The following CDKL5 variants were observed in gnomAD, a reference collection of about 807,000 sequenced individuals.
CDKL5 encodes the protein cyclin dependent kinase like 5, also known as cyclin-dependent kinase-like 5.
A neutral mutation model predicts 61.7 loss-of-function variants in CDKL5; 8 were observed. The ratio of observed to expected loss-of-function variants is 0.13; its 90% CI spans 0.08 to 0.23. CDKL5 has a LOEUF of 0.23. CDKL5 is among the 10% of genes least tolerant of loss of function. The pLI is 1.00. For synonymous variants in CDKL5, 275 were observed against 272.3 expected (o/e 1.01, Z -0.10); for missense variants, 440 against 734.5 (o/e 0.60, Z 4.63).
At chrX:18,445,327 C>T (rs959582564) in intron 1 of CDKL5, among the ~76,000 whole-genome samples, 1 of 111,487 alleles carries the variant, frequency 9.0e-6, no homozygotes, top group African/African-American at 3.3e-5. Flanking sequence ...ATCTGCCCGC[C>T]TCAGCCTCCC....
At chrX:18,500,541 C>T (rs1266218809) in intron 1 of CDKL5, among the ~76,000 whole-genome samples, 2 of 111,566 alleles carry the variant, frequency 1.8e-5, no homozygotes, top group African/African-American at 6.5e-5. Flanking sequence ...TTGATTTTAG[C>T]CAGGTAATTC....
At chrX:18,626,661 C>CT (rs1927053101) in intron 17 of CDKL5, 1 of 23,953 alleles carries the variant, frequency 4.2e-5, no homozygotes, top group African/African-American at 1.6e-4. Flanking sequence ...ACCAAGAAGC[C>CT]CTCTCTCTCT....
rs1927155140 is a variant in CDKL5, at chrX:18,628,838, G to A, written c.*81G>A. ...AGGGTGGGCTGGGCTTGGGGCATGG[G>A]CCGGGCCAAGTGGTGAGCCAATATT... On this transcript the variant is annotated 3_prime_UTR_variant, in exon 18 of 18. Coordinates refer to ENST00000623535, the MANE Select transcript of CDKL5 (RefSeq NM_001323289.2). 9.2e-7 allele frequency: 1 copy of A among 1,085,926 alleles called. No individual in the cohort carries two copies. Among genetic ancestry groups the A allele is most frequent in the East Asian group, 3.3e-5 (1 of 30,103 alleles). The allele number at this position is 1,085,926 out of a possible 1,213,427, so 89.5% of individuals were successfully genotyped here.
chrX:18,525,156 G>A (rs1438853729), intron 3 of CDKL5, among the ~76,000 whole-genome samples: 3 of 111,529 alleles, frequency 2.7e-5, no homozygotes, highest in African/African-American at 9.8e-5. Flanking sequence ...CTGGAGTGCA[G>A]TGGCGCAATC....
intron 20 of CDKL5, among the ~76,000 whole-genome samples, chrX:18,648,246 CT>C (rs373474294): frequency 6.6e-5 from 7 of 106,203 alleles, no homozygotes; most frequent in South Asian, 8.3e-4. Context: ...CCTTCTTCTC[CT>C]TTTTTTTTTC....
At chrX:18,647,153 T>TA in intron 20 of CDKL5, 1 of 1,203,045 alleles carries the variant, frequency 8.3e-7, no homozygotes, top group Non-Finnish European at 1.1e-6. Flanking sequence ...TATTTTTTTT[T>TA]AAAAGCACAT....
At chrX:18,491,802 A>C in intron 1 of CDKL5, among the ~76,000 whole-genome samples, 1 of 111,871 alleles carries the variant, frequency 8.9e-6, no homozygotes, top group East Asian at 2.8e-4. Flanking sequence ...CATAGCTAAA[A>C]TTTATGAAAT....
chrX:18,632,126 C>T lies in CDKL5; in HGVS notation c.*3369C>T. 1.3e-6 allele frequency: 1 copy of T among 754,392 alleles called. No homozygotes were observed. The highest frequency in any genetic ancestry group is 1.6e-6 in the Non-Finnish European group (1 of 639,124). The allele number at this position is 754,392 out of a possible 1,213,427, so 62.2% of individuals were successfully genotyped here. A position where few individuals can be genotyped will look rare whatever the true frequency, so the allele number is the denominator to read the frequency against. On this transcript the variant is annotated 3_prime_UTR_variant, in exon 18 of 18. Transcript: ENST00000623535. ...CTGCCCTACACCATCCCAAGCCCAC[C>T]AGTCTGCAGAGCTTGGCTCTGGCCT...
At chrX:18,577,730 C>T (rs915608268) in intron 5 of CDKL5, among the ~76,000 whole-genome samples, 1 of 111,599 alleles carries the variant, frequency 9.0e-6, no homozygotes, top group African/African-American at 3.3e-5. Context: ...TGTGTTCCTG[C>T]GGAGTAAGGG....
chrX:18,653,518 G>C (rs772980434), exon 22 of CDKL5: 1 of 1,210,558 alleles, frequency 8.3e-7, no homozygotes, highest in Admixed American at 2.2e-5. Flanking sequence ...GACATACCAT[G>C]AGAATGCGGC....
intron 5 of CDKL5, 80 bp from the exon 6 acceptor site, chrX:18,579,768 C>G: frequency 1.0e-6 from 1 of 967,143 alleles, no homozygotes. Flanking sequence ...ATGAATTATT[C>G]TAGATGCTTT....
At chrX:18,640,318 T>C (rs1927520146), downstream of CDKL5, 1 of 110,352 alleles carries the variant, frequency 9.1e-6, no homozygotes, top group African/African-American at 3.3e-5. Flanking sequence ...CCATTTTGTC[T>C]GACAGTCCAT....
chrX:18,606,954 C>T (rs1362682885), intron 12 of CDKL5, among the ~76,000 whole-genome samples: 1 of 111,946 alleles, frequency 8.9e-6, no homozygotes, highest in Non-Finnish European at 1.9e-5. Context: ...TTCATGGTTT[C>T]TTTTCTAGGA....
intron 3 of CDKL5, among the ~76,000 whole-genome samples, chrX:18,548,715 G>A (rs1423740168): frequency 3.6e-5 from 4 of 111,864 alleles, no homozygotes; most frequent in East Asian, 2.8e-4. Flanking sequence ...TGTTCTATAC[G>A]TCACAGTCTT....
At position 18,465,007 on chromosome X, in the gene CDKL5, CAAAG is replaced by C. The variant is rs1386880541; in HGVS notation, c.-163+39314_-163+39317del. On this transcript the variant is annotated intron_variant, in intron 1 of 17. Coordinates refer to ENST00000623535, the MANE Select transcript of CDKL5 (RefSeq NM_001323289.2). ...TTATGGTGGGTGCTTGCTGTATCCACAAAGAGATATTCTTCTATATTATATTTAA... is the reference window on the plus strand; with the variant it reads ...TTATGGTGGGTGCTTGCTGTATCCACAGATATTCTTCTATATTATATTTAA... Among the ~76,000 whole-genome samples the C allele has an allele frequency of 3.6e-5, 4 of 111,791 alleles. No homozygotes were observed. The East Asian group carries it at 8.4e-4, about 23-fold the overall frequency.
intron 3 of CDKL5, among the ~76,000 whole-genome samples, chrX:18,514,851 C>T (rs1207487667): frequency 5.4e-5 from 6 of 110,676 alleles, no homozygotes; most frequent in Non-Finnish European, 1.1e-4. Flanking sequence ...CAGGCTGGAA[C>T]GCAGTGATGT....
intron 7 of CDKL5, among the ~76,000 whole-genome samples, chrX:18,583,821 A>G (rs1244706843): frequency 8.9e-6 from 1 of 112,295 alleles, no homozygotes; most frequent in Admixed American, 9.5e-5. Flanking sequence ...CAGCAACAGT[A>G]CATATGCAAA....
In CDKL5 at chrX:18,518,385, C is replaced by CTTTTTTTTTTT. The variant is rs1195931109; in HGVS notation, c.99+7533_99+7534insTTTTTTTTTTT. Among the ~76,000 whole-genome samples, 34 of 22,783 alleles carry CTTTTTTTTTTT rather than the reference C, an allele frequency of 1.5e-3. 1 individual carries two copies. Among genetic ancestry groups the CTTTTTTTTTTT allele is most frequent in the African/African-American group, 4.3e-3 (28 of 6,579 alleles). 19.8% of individuals were successfully genotyped at this position (22,783 alleles called of 115,157 possible). On this transcript the variant is annotated intron_variant, in intron 3 of 17. Coordinates refer to ENST00000623535, the MANE Select transcript of CDKL5 (RefSeq NM_001323289.2). ...ATAAAGTCATGTTTTCTTTTCTTTT[C>CTTTTTTTTTTT]TTATTTTTTTTTTTTTTTTTTTTTT...
At chrX:18,530,126 A>T (rs1923589397) in intron 3 of CDKL5, among the ~76,000 whole-genome samples, 3 of 107,953 alleles carry the variant, frequency 2.8e-5, no homozygotes, top group Non-Finnish European at 3.8e-5. Context: ...CAAAAGATCG[A>T]GACCATCCTG....
Sources: gnomAD v4.1 joint callset for allele counts (sites outside exome capture counted in the v4.1 genomes callset) on GRCh38, gnomAD v4.1.1 for gene constraint, MANE v1.5 for transcripts, NCBI Gene and HGNC (gene_info 2026-07-23, HGNC 2026-07-21) for gene names.